The following CACNA1A variants were observed in gnomAD, a reference collection of about 807,000 sequenced individuals.
The protein encoded by CACNA1A is voltage-dependent P/Q-type calcium channel subunit alpha-1A.
CACNA1A carries 57 observed loss-of-function variants against 262.4 expected under a neutral mutation model. That is an observed-to-expected ratio of 0.22 (90% CI 0.18 to 0.27). The LOEUF (loss-of-function observed/expected upper bound fraction) is 0.27, where lower values mean the gene tolerates loss of function less well. Ranked by LOEUF, CACNA1A falls within the 10% of genes least tolerant of loss-of-function variation. The probability of loss-of-function intolerance (pLI) is 1.00; values close to 1 mark genes in which losing one functional copy is unlikely to be tolerated. For missense variants in CACNA1A, 2,526 were observed against 3,562.8 expected, an observed-to-expected ratio of 0.71 and a Z score of 7.41; for synonymous variants, 1,431 against 1,419.3, an observed-to-expected ratio of 1.01 and a Z score of -0.18.
intron 3 of CACNA1A, among the ~76,000 whole-genome samples, chr19:13,415,237 G>A (rs17707063): frequency 0.13 from 20,024 of 151,698 alleles, 1,716 homozygotes; most frequent in Non-Finnish European, 0.2. Flanking sequence ...TGTGCGGCGC[G>A]GAATAGAGGC....
intron 15 of CACNA1A, chr19:13,307,549 T>C (rs1189891059): frequency 1.9e-6 from 1 of 515,354 alleles, no homozygotes; most frequent in Non-Finnish European, 3.5e-6. Context: ...GCTGGGATTA[T>C]GGGTGTGAGC....
At chr19:13,494,782 C>A (rs1306985924) in intron 1 of CACNA1A, among the ~76,000 whole-genome samples, 1 of 152,094 alleles carries the variant, frequency 6.6e-6, no homozygotes, top group Non-Finnish European at 1.5e-5. Flanking sequence ...AAGAGGCCCA[C>A]ACAAGTTTAA....
chr19:13,285,712 G>C (rs1215359015), intron 20 of CACNA1A, among the ~76,000 whole-genome samples: 1 of 152,014 alleles, frequency 6.6e-6, no homozygotes, highest in Non-Finnish European at 1.5e-5. Flanking sequence ...CTTGACTCAG[G>C]GGGAGGAGCC....
chr19:13,209,291 G>C, intron 45 of CACNA1A, 21 bp downstream of exon 45: 1 of 1,434,738 alleles, frequency 7.0e-7, no homozygotes, highest in East Asian at 2.6e-5. Flanking sequence ...GCTTGTCCCT[G>C]AGCACCACAG....
At chr19:13,480,657 T>C (rs942335308) in intron 1 of CACNA1A, among the ~76,000 whole-genome samples, 1 of 152,136 alleles carries the variant, frequency 6.6e-6, no homozygotes, top group African/African-American at 2.4e-5. Context: ...AAGCGAGACC[T>C]TGTCTCTAAT....
intron 10 of CACNA1A, among the ~76,000 whole-genome samples, chr19:13,328,435 C>G (rs1600342308): frequency 6.6e-6 from 1 of 152,176 alleles, no homozygotes; most frequent in Middle Eastern, 3.4e-3. Context: ...CATTACAAAC[C>G]CACTTAACTG....
chr19:13,472,898 C>G (rs1978288578), intron 1 of CACNA1A, among the ~76,000 whole-genome samples: 1 of 152,096 alleles, frequency 6.6e-6, no homozygotes, highest in South Asian at 2.1e-4. Context: ...TTAGAGATCT[C>G]AAGATGAGAT....
chr19:13,310,515 T>TAGATAG (rs1555760549), intron 12 of CACNA1A, among the ~76,000 whole-genome samples: 1 of 69,396 alleles, frequency 1.4e-5, no homozygotes, highest in African/African-American at 5.9e-5. Flanking sequence ...TATATATATG[T>TAGATAG]AGAGAGAGAG....
chr19:13,438,682 A>G (rs2060656498), intron 3 of CACNA1A, among the ~76,000 whole-genome samples: 1 of 152,206 alleles, frequency 6.6e-6, no homozygotes, highest in South Asian at 2.1e-4. Flanking sequence ...GGCCCAGCCT[A>G]AACTGCCACC....
At chr19:13,396,169 A>G (rs1423172344) in intron 3 of CACNA1A, among the ~76,000 whole-genome samples, 2 of 152,220 alleles carry the variant, frequency 1.3e-5, no homozygotes, top group Non-Finnish European at 2.9e-5. Flanking sequence ...CTTGGCCACT[A>G]CAAAACCAAG....
chr19:13,485,218 C>T (rs1333213444), intron 1 of CACNA1A, among the ~76,000 whole-genome samples: 1 of 152,152 alleles, frequency 6.6e-6, no homozygotes, highest in African/African-American at 2.4e-5. Flanking sequence ...CCCCTACCTA[C>T]CACCACATAT....
intron 4 of CACNA1A, 185 bp from the exon 5 acceptor site, chr19:13,365,654 GAAC>G (rs1452793163): frequency 9.5e-6 from 5 of 525,040 alleles, no homozygotes; most frequent in Non-Finnish European, 1.0e-5. Flanking sequence ...CTTATCATGG[GAAC>G]AACACTTCCT....
chr19:13,219,745 G>T (rs1426542388), intron 38 of CACNA1A, among the ~76,000 whole-genome samples: 1 of 151,146 alleles, frequency 6.6e-6, no homozygotes, highest in Non-Finnish European at 1.5e-5. Context: ...ACGAGGTTGG[G>T]AGATCGAGAC....
intron 1 of CACNA1A, among the ~76,000 whole-genome samples, chr19:13,495,286 C>T (rs1981364075): frequency 6.6e-6 from 1 of 152,040 alleles, no homozygotes; most frequent in Non-Finnish European, 1.5e-5. Flanking sequence ...AAAACCTAAG[C>T]ATATAATATT....
intron 1 of CACNA1A, among the ~76,000 whole-genome samples, chr19:13,456,290 G>A (rs547783449): frequency 6.6e-6 from 1 of 152,288 alleles, no homozygotes; most frequent in East Asian, 1.9e-4. Flanking sequence ...GTGCATCAAA[G>A]GACGTTATCA....
intron 19 of CACNA1A, among the ~76,000 whole-genome samples, chr19:13,293,083 G>A (rs1238303277): frequency 6.6e-6 from 1 of 152,158 alleles, no homozygotes; most frequent in East Asian, 1.9e-4. Flanking sequence ...CCATCTGTGG[G>A]ATTTGGGCAA....
intron 40 of CACNA1A, among the ~76,000 whole-genome samples, chr19:13,213,553 T>G (rs752225583): frequency 6.6e-6 from 1 of 152,150 alleles, no homozygotes; most frequent in Non-Finnish European, 1.5e-5. Context: ...CTGGCCTATT[T>G]TCCCCATGGG....
At chr19:13,359,167 C>T (rs2059058499) in intron 6 of CACNA1A, among the ~76,000 whole-genome samples, 2 of 152,170 alleles carry the variant, frequency 1.3e-5, no homozygotes, top group Admixed American at 1.3e-4. Context: ...TCTTGGTAGA[C>T]ACATCCCCTT....
intron 28 of CACNA1A, among the ~76,000 whole-genome samples, chr19:13,255,771 CCCT>C (rs1203820720): frequency 5.1e-5 from 6 of 116,764 alleles, no homozygotes; most frequent in East Asian, 6.5e-4. Flanking sequence ...CTCCTTCCCT[CCCT>C]CCTTTCCTTC....
Sources: gnomAD v4.1 joint callset for allele counts (sites outside exome capture counted in the v4.1 genomes callset) on GRCh38, gnomAD v4.1.1 for gene constraint, MANE v1.5 for transcripts, NCBI Gene and HGNC (gene_info 2026-07-23, HGNC 2026-07-21) for gene names.